Variants in MINDY3 observed in about 807,000 individuals in gnomAD.
MINDY3 encodes ubiquitin carboxyl-terminal hydrolase MINDY-3.
MINDY3 carries 38 observed loss-of-function variants against 69.2 expected under a neutral mutation model. The ratio of observed to expected loss-of-function variants is 0.55; its 90% CI spans 0.42 to 0.72. MINDY3 has a LOEUF of 0.72. MINDY3 is among the 30% of genes least tolerant of loss of function. The pLI is 0.00. For synonymous variants in MINDY3, 192 were observed against 180.1 expected, an observed-to-expected ratio of 1.07 and a Z score of -0.53; for missense variants, 522 against 519.0, an observed-to-expected ratio of 1.01 and a Z score of -0.06.
At chr10:15,831,291 A>C (rs1176207485) in intron 8 of MINDY3, among the ~76,000 whole-genome samples, 4 of 152,210 alleles carry the variant, frequency 2.6e-5, no homozygotes, top group African/African-American at 4.8e-5. Flanking sequence ...TCTAGCAATA[A>C]TCAGCCTGGC....
intron 1 of MINDY3, among the ~76,000 whole-genome samples, chr10:15,854,287 A>G (rs890392401): frequency 6.6e-6 from 1 of 152,142 alleles, no homozygotes; most frequent in Non-Finnish European, 1.5e-5. Flanking sequence ...CATACTTCTC[A>G]TGCCTTTTCC....
intron 13 of MINDY3, among the ~76,000 whole-genome samples, chr10:15,783,402 G>C (rs1008295225): frequency 6.6e-6 from 1 of 152,112 alleles, no homozygotes; most frequent in African/African-American, 2.4e-5. Flanking sequence ...TTTTGGACAA[G>C]CATGACTCAT....
chr10:15,842,702 G>A (rs1302703128), intron 3 of MINDY3, among the ~76,000 whole-genome samples: 1 of 151,750 alleles, frequency 6.6e-6, no homozygotes, highest in Non-Finnish European at 1.5e-5. Flanking sequence ...AAACTGTCAC[G>A]TGGAATGCAA....
At position 15,841,575 on chromosome 10, in the gene MINDY3, C is replaced by T. The variant is rs773190441; in HGVS notation, c.260G>A (p.Cys87Tyr). 4 of 1,608,258 alleles carry T rather than the reference C, an allele frequency of 2.5e-6. No homozygotes were observed. The East Asian group carries it at 8.9e-5, about 36-fold the overall frequency. Residue 87 changes from cysteine (C) to tyrosine (Y), a missense_variant, in exon 4 of 15, where the codon TGT becomes TAT. Cys to Tyr is a radical substitution (Grantham distance 194, BLOSUM62 -2). Transcript: ENST00000277632. ...TTCTAAAATATCACACAAGGTATGA[C>T]AAAGGAGTTCCTTCTGCTCTTCCTC... ...CSEEEQKELLCHTLCDILESA... is the reference protein window; with the variant it reads ...CSEEEQKELLYHTLCDILESA...
intron 10 of MINDY3, among the ~76,000 whole-genome samples, chr10:15,804,972 G>A (rs1327609462): frequency 6.6e-6 from 1 of 152,062 alleles, no homozygotes; most frequent in East Asian, 1.9e-4. Context: ...GAGAAATCAG[G>A]GTAGGAAACA....
In MINDY3 at chr10:15,778,698, C is replaced by A. The variant is rs1165466002; in HGVS notation, c.*294G>T. ...TTAATATACAAATGCTGTAGTATTG[C>A]GTTTGTAATTTGGTAAGTAAATGAC... On this transcript the variant is annotated 3_prime_UTR_variant, in exon 15 of 15. Transcript: ENST00000277632. The A allele has an allele frequency of 1.2e-5, 3 of 248,500 alleles. No individual in the cohort carries two copies. The highest frequency in any genetic ancestry group is 1.6e-5 in the Non-Finnish European group (2 of 128,858). 15.4% of individuals were successfully genotyped at this position (248,500 alleles called of 1,614,324 possible).
intron 13 of MINDY3, among the ~76,000 whole-genome samples, chr10:15,785,493 A>T (rs922457185): frequency 6.6e-6 from 1 of 152,290 alleles, no homozygotes; most frequent in Admixed American, 6.5e-5. Flanking sequence ...AATATAATTA[A>T]AATTAATACT....
At chr10:15,842,945 TGCCA>T (rs1833580625) in intron 3 of MINDY3, among the ~76,000 whole-genome samples, 1 of 150,260 alleles carries the variant, frequency 6.7e-6, no homozygotes, top group African/African-American at 2.4e-5. Context: ...TATGGCATGC[TGCCA>T]CCTAACAGTT....
At chr10:15,854,132 T>C (rs925690821) in intron 1 of MINDY3, among the ~76,000 whole-genome samples, 9 of 152,136 alleles carry the variant, frequency 5.9e-5, no homozygotes, top group African/African-American at 1.2e-4. Flanking sequence ...GACAGACCAA[T>C]GGATTTCAAT....
chr10:15,809,679 A>T (rs577277201), intron 10 of MINDY3, among the ~76,000 whole-genome samples: 1 of 152,120 alleles, frequency 6.6e-6, no homozygotes, highest in South Asian at 2.1e-4. Context: ...CTGCTTGATG[A>T]CTCTGCAGTT....
rs747121558 is a variant in MINDY3 at position 15,821,707 on chromosome 10, T to C, written c.750A>G (p.Glu250=). The C allele has an allele frequency of 3.1e-6, 5 of 1,612,450 alleles. No individual in the cohort carries two copies. The African/African-American group carries it at 5.3e-5, about 17-fold the overall frequency. The change falls in exon 9 of 15, where the codon GAA becomes GAG. Residue 250 remains glutamate (E), a synonymous_variant. Coordinates refer to ENST00000277632, the MANE Select transcript of MINDY3 (RefSeq NM_024948.4). The part of the protein sequence containing the change: ...CSGMKLLGIH[E]QAAVGFLTLM... ...GTGTTAAAAATCCTACTGCTGCTTG[T>C]TCATGTATACCAAGAAGTTCTGCAA...
intron 7 of MINDY3, among the ~76,000 whole-genome samples, chr10:15,834,120 C>T (rs1832921079): frequency 6.6e-6 from 1 of 151,942 alleles, no homozygotes; most frequent in Non-Finnish European, 1.5e-5. Context: ...AGTAGGTTAA[C>T]TATCACTGTT....
intron 10 of MINDY3, among the ~76,000 whole-genome samples, chr10:15,798,105 T>A (rs962256796): frequency 6.6e-6 from 1 of 152,146 alleles, no homozygotes; most frequent in African/African-American, 2.4e-5. Context: ...TTTTTTGCGG[T>A]CACCAATGAA....
At chr10:15,806,922 T>A (rs900101234) in intron 10 of MINDY3, among the ~76,000 whole-genome samples, 1 of 152,182 alleles carries the variant, frequency 6.6e-6, no homozygotes, top group Non-Finnish European at 1.5e-5. Flanking sequence ...CAGGGTCTAC[T>A]CTACTCTAGC....
intron 5 of MINDY3, chr10:15,837,823 A>G: frequency 1.0e-6 from 1 of 977,944 alleles, no homozygotes; most frequent in Non-Finnish European, 1.2e-6. Context: ...TTTGTAATAA[A>G]AAGTTTAAAT....
At chr10:15,844,981 G>C (rs746865019) in intron 2 of MINDY3, among the ~76,000 whole-genome samples, 12 of 152,062 alleles carry the variant, frequency 7.9e-5, no homozygotes, top group Non-Finnish European at 1.6e-4. Context: ...CTGAATCTTA[G>C]TGTTTTTCTA....
chr10:15,807,393 C>G (rs1472186075), intron 10 of MINDY3, among the ~76,000 whole-genome samples: 2 of 152,116 alleles, frequency 1.3e-5, no homozygotes, highest in Non-Finnish European at 2.9e-5. Context: ...ACCAGGAATG[C>G]TGAGCAAGAC....
At chr10:15,820,379 A>C (rs1839674814) in intron 9 of MINDY3, among the ~76,000 whole-genome samples, 2 of 152,166 alleles carry the variant, frequency 1.3e-5, no homozygotes, top group Admixed American at 6.5e-5. Context: ...TACACAGGAA[A>C]TATTTCCAAA....
chr10:15,858,150 A>G (rs1017738088), intron 1 of MINDY3, among the ~76,000 whole-genome samples: 1 of 152,256 alleles, frequency 6.6e-6, no homozygotes, highest in Non-Finnish European at 1.5e-5. Context: ...TTCAGAGGCG[A>G]TAACTTCAAA....
Sources: gnomAD v4.1 joint callset for allele counts (sites outside exome capture counted in the v4.1 genomes callset) on GRCh38, gnomAD v4.1.1 for gene constraint, MANE v1.5 for transcripts, NCBI Gene and HGNC (gene_info 2026-07-23, HGNC 2026-07-21) for gene names.